The following CACNA2D3 variants were observed in gnomAD, a reference collection of about 807,000 sequenced individuals.
CACNA2D3 encodes the protein calcium voltage-gated channel auxiliary subunit alpha2delta 3.
A neutral mutation model predicts 160.6 loss-of-function variants in CACNA2D3; 60 were observed. The ratio of observed to expected loss-of-function variants is 0.37; its 90% confidence interval spans 0.30 to 0.46. The LOEUF is 0.46. Among genes scored for constraint, CACNA2D3 ranks in the 20% least tolerant of loss-of-function variants. The pLI is 1.00. For missense variants in CACNA2D3, 1,205 were observed against 1,365.0 expected (o/e 0.88, Z 1.85); for synonymous variants, 558 against 492.9 (o/e 1.13, Z -1.75).
chr3:54,706,939 C>G (rs1443989060), intron 11 of CACNA2D3, among the ~76,000 whole-genome samples: 1 of 152,212 alleles, frequency 6.6e-6, no homozygotes, highest in East Asian at 1.9e-4. Flanking sequence ...TCTGGCTTCT[C>G]CATTCCTGGT....
intron 8 of CACNA2D3, among the ~76,000 whole-genome samples, chr3:54,578,486 TC>T (rs1391946984): frequency 6.6e-6 from 1 of 152,138 alleles, no homozygotes; most frequent in Non-Finnish European, 1.5e-5. Context: ...ATCCTTGGGG[TC>T]CCCCTCGGGA....
At chr3:54,576,673 G>A (rs1420334445) in intron 8 of CACNA2D3, among the ~76,000 whole-genome samples, 1 of 152,288 alleles carries the variant, frequency 6.6e-6, no homozygotes, top group Middle Eastern at 3.4e-3. Context: ...TTGTGGGTTT[G>A]TCTCAAGCTT....
At chr3:54,611,728 C>T (rs1339330472) in intron 9 of CACNA2D3, among the ~76,000 whole-genome samples, 1 of 151,948 alleles carries the variant, frequency 6.6e-6, no homozygotes, top group East Asian at 1.9e-4. Context: ...TAAGAATTGC[C>T]ATCTTTAATA....
At chr3:54,554,870 C>CTTTTTTTTTTTTTTTTTTTTTTTTTTTTT (rs66526065) in intron 5 of CACNA2D3, among the ~76,000 whole-genome samples, 4 of 96,138 alleles carry the variant, frequency 4.2e-5, no homozygotes, top group African/African-American at 1.3e-4. Flanking sequence ...CTCTCACTCT[C>CTTTTTTTTTTTTTTTTTTTTTTTTTTTTT]TTTTTTTTTT....
At chr3:54,717,777 G>T (rs985686195) in intron 11 of CACNA2D3, among the ~76,000 whole-genome samples, 2 of 87,622 alleles carry the variant, frequency 2.3e-5, no homozygotes, top group Non-Finnish European at 5.3e-5. Flanking sequence ...TGTGGTGTGT[G>T]TGCATGTGCG....
chr3:54,245,218 T>G (rs1702049062), intron 2 of CACNA2D3, among the ~76,000 whole-genome samples: 1 of 152,116 alleles, frequency 6.6e-6, no homozygotes, highest in African/African-American at 2.4e-5. Context: ...CTTTTTATTT[T>G]TTTTTTAAAA....
At chr3:54,341,480 C>T (rs547436148) in intron 3 of CACNA2D3, among the ~76,000 whole-genome samples, 1 of 152,204 alleles carries the variant, frequency 6.6e-6, no homozygotes, top group South Asian at 2.1e-4. Flanking sequence ...AATGGGAGCA[C>T]TCCAGCGTTT....
chr3:54,402,903 T>G (rs1699496759), intron 4 of CACNA2D3, among the ~76,000 whole-genome samples: 1 of 152,120 alleles, frequency 6.6e-6, no homozygotes, highest in Non-Finnish European at 1.5e-5. Flanking sequence ...TTAACAAACT[T>G]AAGAAGATTG....
chr3:54,820,357 G>C (rs2106720614), intron 14 of CACNA2D3, among the ~76,000 whole-genome samples: 1 of 152,154 alleles, frequency 6.6e-6, no homozygotes, highest in African/African-American at 2.4e-5. Flanking sequence ...TGTAAGTTAT[G>C]GTTTTCATGA....
intron 11 of CACNA2D3, among the ~76,000 whole-genome samples, chr3:54,645,230 A>T (rs1699611889): frequency 6.6e-6 from 1 of 152,134 alleles, no homozygotes; most frequent in South Asian, 2.1e-4. Context: ...TGAAACCATT[A>T]AATCTCATGA....
chr3:54,758,209 C>G (rs1053990509), intron 12 of CACNA2D3, among the ~76,000 whole-genome samples: 25 of 152,114 alleles, frequency 1.6e-4, no homozygotes, highest in Non-Finnish European at 3.2e-4. Context: ...GGTGTAGCCA[C>G]AGAGCTATAA....
intron 17 of CACNA2D3, among the ~76,000 whole-genome samples, chr3:54,869,109 G>A (rs1209203076): frequency 6.6e-6 from 1 of 152,146 alleles, no homozygotes; most frequent in Non-Finnish European, 1.5e-5. Context: ...CTCTGAAAAA[G>A]ACACGTGGAC....
chr3:54,998,713 TTTTTGTTTTG>T (rs150766606), intron 31 of CACNA2D3, among the ~76,000 whole-genome samples: 22,599 of 147,134 alleles, frequency 0.15, 2,071 homozygotes, highest in East Asian at 0.46. Context: ...CTAAAGTTGG[TTTTTGTTTTG>T]TTTTGTTTTG....
intron 12 of CACNA2D3, among the ~76,000 whole-genome samples, chr3:54,753,750 C>T (rs1701913520): frequency 6.6e-6 from 1 of 152,090 alleles, no homozygotes; most frequent in South Asian, 2.1e-4. Flanking sequence ...TTTTAACTAT[C>T]AAATAAAATT....
intron 27 of CACNA2D3, among the ~76,000 whole-genome samples, chr3:54,910,162 C>T (rs999505346): frequency 1.3e-5 from 2 of 152,186 alleles, no homozygotes; most frequent in African/African-American, 4.8e-5. Flanking sequence ...ATACATGACA[C>T]AGCTCAGGCA....
intron 4 of CACNA2D3, among the ~76,000 whole-genome samples, chr3:54,430,740 T>C (rs572788083): frequency 6.6e-6 from 1 of 152,210 alleles, no homozygotes; most frequent in Non-Finnish European, 1.5e-5. Flanking sequence ...GATTCTGTCA[T>C]TGGAGGGTTC....
intron 17 of CACNA2D3, among the ~76,000 whole-genome samples, chr3:54,850,850 A>G (rs566643587): frequency 3.3e-5 from 5 of 152,224 alleles, no homozygotes; most frequent in Admixed American, 6.5e-5. Flanking sequence ...TTCATTCTGG[A>G]TGAAAATCTG....
At chr3:54,579,916 A>G (rs1276970591) in intron 8 of CACNA2D3, among the ~76,000 whole-genome samples, 2 of 152,144 alleles carry the variant, frequency 1.3e-5, no homozygotes, top group Non-Finnish European at 2.9e-5. Context: ...TTGGGATATA[A>G]TTTTTCAAAT....
chr3:54,836,136 A>G (rs182274237), intron 14 of CACNA2D3, among the ~76,000 whole-genome samples: 2 of 151,752 alleles, frequency 1.3e-5, no homozygotes, highest in African/African-American at 2.4e-5. Context: ...AGCAGGTGCA[A>G]TGGTGTGTCT....
Sources: allele counts gnomAD v4.1 joint callset (sites outside exome capture counted in the v4.1 genomes callset), GRCh38; gene constraint gnomAD v4.1.1; transcripts MANE v1.5; gene names NCBI Gene and HGNC (gene_info 2026-07-23, HGNC 2026-07-21).